The following RAB27A variants were observed in gnomAD, a reference collection of about 807,000 sequenced individuals.
The protein encoded by RAB27A is ras-related protein Rab-27A.
Under a neutral mutation model 20.8 loss-of-function variants are expected in RAB27A, and 17 were observed. That is an observed-to-expected ratio of 0.82 (90% CI 0.56 to 1.23). The LOEUF is 1.23. RAB27A is among the 50% of genes most tolerant of loss of function. RAB27A has a pLI of 0.00. For synonymous variants in RAB27A, 85 were observed against 92.8 expected (o/e 0.92, Z 0.48); for missense variants, 277 against 266.7 (o/e 1.04, Z -0.27).
At chr15:55,251,537 T>G (rs1356006524) in intron 2 of RAB27A, among the ~76,000 whole-genome samples, 2 of 152,094 alleles carry the variant, frequency 1.3e-5, no homozygotes, top group African/African-American at 4.8e-5. Flanking sequence ...TTTGAGGCCA[T>G]CAGAAAATAT....
chr15:55,306,333 T>G (rs141069670), intron 2 of RAB27A, among the ~76,000 whole-genome samples: 2,636 of 152,134 alleles, frequency 0.017, 78 homozygotes, highest in African/African-American at 0.06. Context: ...CAACAGTTAG[T>G]AGGGTTTTGG....
intron 2 of RAB27A, among the ~76,000 whole-genome samples, chr15:55,253,859 A>T (rs1448638969): frequency 1.3e-5 from 2 of 152,224 alleles, no homozygotes; most frequent in Non-Finnish European, 2.9e-5. Context: ...GGATAAAGGA[A>T]ATTGTAGACA....
At chr15:55,269,106 G>C (rs1469333083) in intron 2 of RAB27A, among the ~76,000 whole-genome samples, 3 of 152,164 alleles carry the variant, frequency 2.0e-5, no homozygotes, top group African/African-American at 7.2e-5. Context: ...CTGACATCTT[G>C]ATCTTAGACT....
At chr15:55,244,622 AT>A (rs1896619819) in intron 2 of RAB27A, among the ~76,000 whole-genome samples, 1 of 152,182 alleles carries the variant, frequency 6.6e-6, no homozygotes, top group Non-Finnish European at 1.5e-5. Flanking sequence ...AATATTTTGA[AT>A]TTTTTAGAAT....
intron 6 of RAB27A, among the ~76,000 whole-genome samples, chr15:55,210,412 G>GCTTT (rs1555391925): frequency 1.6e-5 from 2 of 128,014 alleles, no homozygotes; most frequent in African/African-American, 6.0e-5. Flanking sequence ...TTTAGGTGTG[G>GCTTT]TTTTTTTTTT....
intron 2 of RAB27A, among the ~76,000 whole-genome samples, chr15:55,253,173 C>G (rs58143421): frequency 4.1e-5 from 6 of 147,976 alleles, no homozygotes; most frequent in Middle Eastern, 3.7e-3. Context: ...AATGGCCAGG[C>G]GTGGTGGCTC....
chr15:55,306,935 C>T (rs560825195), intron 2 of RAB27A, among the ~76,000 whole-genome samples: 7 of 152,234 alleles, frequency 4.6e-5, no homozygotes, highest in Middle Eastern at 6.8e-3. Flanking sequence ...GAAGAGCAGG[C>T]ACAGATCCTC....
intron 6 of RAB27A, among the ~76,000 whole-genome samples, chr15:55,212,539 T>G (rs1348163413): frequency 7.5e-6 from 1 of 133,132 alleles, no homozygotes; most frequent in African/African-American, 3.5e-5. Flanking sequence ...AATCTTTTTT[T>G]TTTTTTTTTT....
intron 1 of RAB27A, among the ~76,000 whole-genome samples, chr15:55,277,115 G>T (rs1387557497): frequency 6.6e-6 from 1 of 152,152 alleles, no homozygotes; most frequent in African/African-American, 2.4e-5. Context: ...TATACTTGTG[G>T]CAGGGGTGGA....
chr15:55,295,089 G>C, intron 2 of RAB27A, among the ~76,000 whole-genome samples: 1 of 152,162 alleles, frequency 6.6e-6, no homozygotes, highest in Non-Finnish European at 1.5e-5. Flanking sequence ...CAAATGAAAA[G>C]ATGTTTAATG....
intron 2 of RAB27A, among the ~76,000 whole-genome samples, chr15:55,255,637 T>C (rs1897051414): frequency 6.6e-6 from 1 of 152,242 alleles, no homozygotes; most frequent in Non-Finnish European, 1.5e-5. Context: ...GCTTTTTTGA[T>C]AATTAAACCA....
At chr15:55,248,244 C>T (rs1896762370) in intron 2 of RAB27A, among the ~76,000 whole-genome samples, 1 of 152,156 alleles carries the variant, frequency 6.6e-6, no homozygotes, top group African/African-American at 2.4e-5. Flanking sequence ...CACCCTACCA[C>T]ACCCCATGCT....
intron 2 of RAB27A, among the ~76,000 whole-genome samples, chr15:55,303,577 C>T (rs1456102024): frequency 2.5e-5 from 2 of 79,802 alleles, no homozygotes; most frequent in South Asian, 5.8e-4. Context: ...GTCGGCCCCC[C>T]GCCCGGCCAG....
At chr15:55,313,185 G>A in intron 2 of RAB27A, among the ~76,000 whole-genome samples, 1 of 152,206 alleles carries the variant, frequency 6.6e-6, no homozygotes, top group Non-Finnish European at 1.5e-5. Context: ...GGAGGCCAAG[G>A]GAAGAAGATC....
Position 55,234,790 on chromosome 15 carries a change from T to C in RAB27A, c.145A>G (p.Lys49Glu). Residue 49 changes from lysine (K) to glutamate (E), a missense_variant, in exon 3 of 7, where the codon AAA (lysine) becomes GAA (glutamate). Lys to Glu is a moderately conservative substitution (Grantham distance 56, BLOSUM62 1). Coordinates refer to ENST00000336787, the MANE Select transcript of RAB27A (RefSeq NM_183235.3). ...ITTVGIDFRE[K>E]RVVYRASGPD... is the part of the protein sequence containing the mutation. ...AAGGATATAGAACTTACCACTCTTT[T>C]TTCCCTGAAATCAATGCCCACTGTT... is the stretch of plus-strand genomic sequence containing the variant. 6.2e-7 allele frequency: 1 copy of C among 1,610,726 alleles called. No individual in the cohort carries two copies. The highest frequency in any genetic ancestry group is 8.5e-7 in the Non-Finnish European group (1 of 1,177,214).
chr15:55,290,724 G>C (rs910612435), upstream of RAB27A, among the ~76,000 whole-genome samples: 5 of 152,222 alleles, frequency 3.3e-5, no homozygotes, highest in East Asian at 1.9e-4. Flanking sequence ...TTCCCACTCA[G>C]AGGCAGCCAA....
At chr15:55,216,438 C>A (rs548295711) in intron 6 of RAB27A, among the ~76,000 whole-genome samples, 1 of 151,742 alleles carries the variant, frequency 6.6e-6, no homozygotes, top group Admixed American at 6.6e-5. Context: ...GAGGCTGAGA[C>A]GGGAGATCTC....
chr15:55,209,880 GTGTGTATACA>G (rs1178917058), intron 6 of RAB27A, among the ~76,000 whole-genome samples: 3 of 106,778 alleles, frequency 2.8e-5, no homozygotes, highest in African/African-American at 5.4e-5. Context: ...ACATATATGT[GTGTGTATACA>G]TATATACACA....
At chr15:55,263,441 C>T (rs1296159543) in intron 2 of RAB27A, among the ~76,000 whole-genome samples, 1 of 152,062 alleles carries the variant, frequency 6.6e-6, no homozygotes, top group Non-Finnish European at 1.5e-5. Context: ...ATGCTTTAAA[C>T]AGAAATGGTG....
Sources: allele counts gnomAD v4.1 joint callset (sites outside exome capture counted in the v4.1 genomes callset), GRCh38; gene constraint gnomAD v4.1.1; transcripts MANE v1.5; gene names NCBI Gene and HGNC (gene_info 2026-07-23, HGNC 2026-07-21).